The following ECPAS variants were observed in gnomAD, a reference collection of about 807,000 sequenced individuals.
The protein encoded by ECPAS is Ecm29 proteasome adaptor and scaffold.
A neutral mutation model predicts 255.1 loss-of-function variants in ECPAS; 70 were observed. That is an observed-to-expected ratio of 0.27 (90% CI 0.23 to 0.33). The LOEUF is 0.33. Among genes scored for constraint, ECPAS ranks in the 10% least tolerant of loss-of-function variants. The pLI, the probability that ECPAS is intolerant of heterozygous loss-of-function variation, is 1.00. For missense variants in ECPAS, 1,817 were observed against 2,206.4 expected (o/e 0.82, Z 3.54); for synonymous variants, 784 against 775.0 (o/e 1.01, Z -0.19).
At chr9:111,478,324 C>T (rs1183388509) in intron 1 of ECPAS, among the ~76,000 whole-genome samples, 4 of 151,528 alleles carry the variant, frequency 2.6e-5, no homozygotes, top group Non-Finnish European at 5.9e-5. Context: ...GTCAGGAGTT[C>T]GAGACCAGCC....
At chr9:111,435,796 C>T (rs544335460) in intron 7 of ECPAS, among the ~76,000 whole-genome samples, 1 of 151,064 alleles carries the variant, frequency 6.6e-6, no homozygotes, top group East Asian at 1.9e-4. Flanking sequence ...TCTCCCACCT[C>T]AGCCTCCTGA....
chr9:111,411,915 A>C, intron 21 of ECPAS, 99 bp downstream of exon 21: 1 of 1,091,436 alleles, frequency 9.2e-7, no homozygotes, highest in Non-Finnish European at 1.2e-6. Context: ...GGAATTTGTA[A>C]GTTCATTTTA....
intron 7 of ECPAS, among the ~76,000 whole-genome samples, chr9:111,434,042 T>C (rs2098234037): frequency 6.6e-6 from 1 of 152,204 alleles, no homozygotes; most frequent in African/African-American, 2.4e-5. Flanking sequence ...AATGACTCTA[T>C]TTAGGATAAA....
chr9:111,369,339 G>A (rs1463183886), intron 45 of ECPAS, among the ~76,000 whole-genome samples, 166 bp from the exon 46 acceptor site: 1 of 152,088 alleles, frequency 6.6e-6, no homozygotes, highest in Admixed American at 6.6e-5. Context: ...TTTATAACCA[G>A]AATACTGTAT....
chr9:111,456,582 CA>C (rs1280116112), intron 2 of ECPAS, among the ~76,000 whole-genome samples: 1 of 152,116 alleles, frequency 6.6e-6, no homozygotes, highest in Non-Finnish European at 1.5e-5. Flanking sequence ...AATGGAAAAA[CA>C]TACAAATTCA....
rs185468414 is a variant in ECPAS, at chr9:111,377,929, G to A, written c.3954+651C>T. Among the ~76,000 whole-genome samples the A allele has an allele frequency of 4.0e-3, 602 of 152,138 alleles. 12 individuals are homozygous for A. Among genetic ancestry groups the A allele is most frequent in the East Asian group, 0.024 (124 of 5,158 alleles). On this transcript the variant is annotated intron_variant, in intron 36 of 49. Transcript: ENST00000684092. ...TGGGAGGCTGAGGCGGGTGGATCAC[G>A]AGGTCAGGAGATCAAGACCATCCTG... is the stretch of plus-strand genomic sequence containing the variant.
In ECPAS at chr9:111,430,649, G is replaced by A. The variant is rs751677610; in HGVS notation, c.849-21C>T. The A allele has an allele frequency of 2.7e-6, 4 of 1,505,976 alleles. No individual in the cohort carries two copies. In the South Asian group the frequency reaches 4.9e-5, roughly 19 times the overall value. 93.3% of individuals were successfully genotyped at this position (1,505,976 alleles called of 1,614,324 possible). On this transcript the variant is annotated intron_variant, in intron 8 of 49. Transcript: ENST00000684092. ...TTAAGCTATGGAAGGTTTCAACACA[G>A]GTTGTTAAAATTATTTTTCCCCCTC...
intron 29 of ECPAS, among the ~76,000 whole-genome samples, chr9:111,391,504 C>T (rs1395594919): frequency 6.6e-6 from 1 of 151,652 alleles, no homozygotes; most frequent in African/African-American, 2.4e-5. Context: ...TCGCTTGAAC[C>T]CAGGAGGCGG....
chr9:111,407,428 A>AAAAAAAAAAAAAAAAAAAGAAAAAAAAG (rs751687233), intron 24 of ECPAS, among the ~76,000 whole-genome samples: 1 of 98,726 alleles, frequency 1.0e-5, no homozygotes, highest in Admixed American at 1.0e-4. Context: ...AAAAAAAAAA[A>AAAAAAAAAAAAAAAAAAAGAAAAAAAAG]AAAAAAAAAA....
At chr9:111,439,486 C>G (rs2098242835) in intron 6 of ECPAS, among the ~76,000 whole-genome samples, 1 of 152,132 alleles carries the variant, frequency 6.6e-6, no homozygotes, top group South Asian at 2.1e-4. Flanking sequence ...CCAGGCTGGT[C>G]TCAAACTTCT....
chr9:111,425,699 C>T (rs2098220540), intron 11 of ECPAS, 44 bp downstream of exon 11: 2 of 1,188,074 alleles, frequency 1.7e-6, no homozygotes, highest in Non-Finnish European at 2.5e-6. Flanking sequence ...CTCAATCATT[C>T]CAGCAGCTTG....
intron 24 of ECPAS, among the ~76,000 whole-genome samples, chr9:111,407,429 A>AAAG (rs2098186535): frequency 1.6e-5 from 2 of 127,736 alleles, no homozygotes; most frequent in Non-Finnish European, 3.7e-5. Flanking sequence ...AAAAAAAAAA[A>AAAG]AAAAAAAAAC....
chr9:111,483,934 GC>G, intron 1 of ECPAS, 181 bp downstream of exon 1: 1 of 835,548 alleles, frequency 1.2e-6, no homozygotes, highest in Non-Finnish European at 1.4e-6. Context: ...CCCCCGCCGG[GC>G]CCCTCGCGCG....
intron 43 of ECPAS, 81 bp downstream of exon 43, chr9:111,371,540 C>T (rs2098127279): frequency 7.7e-7 from 1 of 1,292,522 alleles, no homozygotes; most frequent in African/African-American, 1.5e-5. Context: ...GGAAAAGTTA[C>T]ACAAAACCAG....
At chr9:111,413,648 C>T (rs889305642) in intron 20 of ECPAS, among the ~76,000 whole-genome samples, 1 of 149,828 alleles carries the variant, frequency 6.7e-6, no homozygotes, top group Non-Finnish European at 1.5e-5. Context: ...AAAAAAAAAA[C>T]TTTTGAAACA....
At chr9:111,445,126 G>A (rs2098251194) in intron 3 of ECPAS, among the ~76,000 whole-genome samples, 1 of 150,952 alleles carries the variant, frequency 6.6e-6, no homozygotes, top group African/African-American at 2.4e-5. Context: ...CTCCCGAGTA[G>A]CTGGGATTAC....
chr9:111,434,896 CTTTTTTT>C (rs3031129), intron 7 of ECPAS, among the ~76,000 whole-genome samples: 2 of 92,182 alleles, frequency 2.2e-5, no homozygotes, highest in Admixed American at 2.5e-4. Flanking sequence ...CCACATCTGG[CTTTTTTT>C]TTTTTTTTTT....
At chr9:111,381,913 C>T (rs984476237) in intron 35 of ECPAS, among the ~76,000 whole-genome samples, 1 of 151,834 alleles carries the variant, frequency 6.6e-6, no homozygotes, top group African/African-American at 2.4e-5. Context: ...TCTTCTTCGT[C>T]CTCTTTGATT....
At chr9:111,401,679 A>G (rs1726573834) in intron 24 of ECPAS, among the ~76,000 whole-genome samples, 1 of 152,202 alleles carries the variant, frequency 6.6e-6, no homozygotes, top group South Asian at 2.1e-4. Flanking sequence ...ACGCTCCCAG[A>G]GTAGCCATTC....
Sources: allele counts gnomAD v4.1 joint callset (sites outside exome capture counted in the v4.1 genomes callset), GRCh38; gene constraint gnomAD v4.1.1; transcripts MANE v1.5; gene names NCBI Gene and HGNC (gene_info 2026-07-23, HGNC 2026-07-21).